Variants in FBXO25 observed in about 807,000 individuals in gnomAD.
FBXO25 encodes F-box protein 25.
Under a neutral mutation model 51.9 loss-of-function variants are expected in FBXO25, and 45 were observed. The observed-to-expected ratio is 0.87, with a 90% CI of 0.68 to 1.11. The LOEUF (loss-of-function observed/expected upper bound fraction) is 1.11, where lower values mean the gene tolerates loss of function less well. Among genes scored for constraint, FBXO25 ranks in the 50% most tolerant of loss-of-function variants. The pLI, the probability that FBXO25 is intolerant of heterozygous loss-of-function variation, is 0.00. For missense variants in FBXO25, 507 were observed against 428.5 expected (o/e 1.18, Z -1.62); for synonymous variants, 199 against 151.0 (o/e 1.32, Z -2.33).
At position 451,232 on chromosome 8, in the gene FBXO25, C is replaced by G. The variant is rs774413050; in HGVS notation, c.476-37C>G. ...GATCTTTTTTTAAAGTGTTGCTTAA[C>G]TGTATCAATCCATAGTTTTATTTTT... On this transcript the variant is annotated intron_variant, in intron 6 of 9. Transcript: ENST00000350302. 1.6e-5 allele frequency: 24 copies of G among 1,547,818 alleles called. No individual in the cohort carries two copies. The South Asian group carries it at 2.8e-4, about 18-fold the overall frequency.
At chr8:440,664 T>G (rs1798371609) in intron 5 of FBXO25, among the ~76,000 whole-genome samples, 1 of 152,080 alleles carries the variant, frequency 6.6e-6, no homozygotes, top group Admixed American at 6.6e-5. Flanking sequence ...GGTATACACA[T>G]GCCATGGTGG....
intron 5 of FBXO25, among the ~76,000 whole-genome samples, chr8:439,420 G>GA (rs1798292790): frequency 6.6e-6 from 1 of 152,126 alleles, no homozygotes; most frequent in Non-Finnish European, 1.5e-5. Context: ...ACATCTGTAG[G>GA]AAAAAAGTTT....
In FBXO25 at chr8:470,974, C is replaced by T. The variant is rs1238764325; in HGVS notation, c.*2170C>T. On this transcript the variant is annotated 3_prime_UTR_variant, in exon 10 of 10. Transcript: ENST00000350302. ...CCTTTTGAAGTTGTGGTTCTTTCCC[C>T]TAATTTGTCATATACTGTTACTGTC... 6.6e-6 allele frequency: 1 copy of T among 152,086 alleles called. No individual in the cohort carries two copies. Among genetic ancestry groups the T allele is most frequent in the Non-Finnish European group, 1.5e-5 (1 of 68,020 alleles). The allele number at this position is 152,086 out of a possible 1,614,324, so 9.4% of individuals were successfully genotyped here.
intron 9 of FBXO25, chr8:468,244 C>T: frequency 9.9e-7 from 1 of 1,011,972 alleles, no homozygotes. Flanking sequence ...CCGTGTGTCC[C>T]CCTCTCCTGT....
chr8:467,840 C>G (rs183326199), intron 9 of FBXO25: 12 of 1,597,604 alleles, frequency 7.5e-6, no homozygotes, highest in Admixed American at 1.7e-5. Flanking sequence ...CTGCCCGGCT[C>G]GATTCCAGCT....
intron 9 of FBXO25, chr8:467,986 T>C (rs1585115165): frequency 7.3e-7 from 1 of 1,374,764 alleles, no homozygotes; most frequent in East Asian, 2.8e-5. Flanking sequence ...CTGCTAGATG[T>C]GCGCATAAAC....
intron 9 of FBXO25, chr8:468,110 C>T (rs1345150137): frequency 3.8e-6 from 4 of 1,062,628 alleles, no homozygotes; most frequent in Non-Finnish European, 4.5e-6. Context: ...TAAGAGTCTG[C>T]CAGTCTTCAT....
intron 7 of FBXO25, among the ~76,000 whole-genome samples, chr8:452,599 G>C (rs1299129889): frequency 6.6e-6 from 1 of 152,228 alleles, no homozygotes; most frequent in Non-Finnish European, 1.5e-5. Flanking sequence ...AGAATAGGGT[G>C]TGTCCTTGTC....
At chr8:436,697 C>T (rs1253921692) in intron 5 of FBXO25, among the ~76,000 whole-genome samples, 1 of 152,174 alleles carries the variant, frequency 6.6e-6, no homozygotes, top group Non-Finnish European at 1.5e-5. Flanking sequence ...GCAGATTTGA[C>T]TCAGCCTTGT....
intron 5 of FBXO25, among the ~76,000 whole-genome samples, chr8:441,118 T>C (rs1798400512): frequency 6.6e-6 from 1 of 150,880 alleles, no homozygotes; most frequent in Non-Finnish European, 1.5e-5. Context: ...TCAGACTATA[T>C]TACAAGGCTA....
At chr8:453,861 A>C (rs1446318860) in intron 7 of FBXO25, among the ~76,000 whole-genome samples, 2 of 151,906 alleles carry the variant, frequency 1.3e-5, no homozygotes, top group East Asian at 3.9e-4. Flanking sequence ...GGTGGCCCAC[A>C]CCTGTAATCC....
rs1800602685 is a variant in FBXO25 at position 475,084 on chromosome 8, T to G, written c.*6280T>G. The G allele has an allele frequency of 3.7e-5, 14 of 373,672 alleles. 1 individual carries two copies. Among genetic ancestry groups the G allele is most frequent in the South Asian group, 3.0e-4 (14 of 47,364 alleles). The allele number at this position is 373,672 out of a possible 1,614,324, so 23.1% of individuals were successfully genotyped here. ...GTTTCCCTTATGTTTCTCCTAAATGTTTTAGTTTTAGCTCTTAGTTTAGGC... is the reference window on the plus strand; with the variant it reads ...GTTTCCCTTATGTTTCTCCTAAATGGTTTAGTTTTAGCTCTTAGTTTAGGC... On this transcript the variant is annotated 3_prime_UTR_variant, in exon 10 of 10. Transcript: ENST00000350302.
At position 477,475 on chromosome 8, in the gene FBXO25, C is replaced by T. The variant is rs918216151; in HGVS notation, c.*8671C>T. The T allele has an allele frequency of 6.6e-6, 1 of 152,162 alleles. No individual in the cohort carries two copies. Among genetic ancestry groups the T allele is most frequent in the Non-Finnish European group, 1.5e-5 (1 of 68,042 alleles). 9.4% of individuals were successfully genotyped at this position (152,162 alleles called of 1,614,324 possible). A position where few individuals can be genotyped will look rare whatever the true frequency, so the allele number is the denominator to read the frequency against. On this transcript the variant is annotated 3_prime_UTR_variant, in exon 10 of 10. Coordinates refer to ENST00000350302, the MANE Select transcript of FBXO25 (RefSeq NM_183420.2). ...TATATATTACATCTTGGTGAATTTT[C>T]AAACTTTTTAAATTTCAACATGAAG... is the stretch of plus-strand genomic sequence containing the variant.
intron 8 of FBXO25, among the ~76,000 whole-genome samples, chr8:458,964 CT>C (rs1288181213): frequency 1.3e-5 from 2 of 152,194 alleles, no homozygotes; most frequent in African/African-American, 4.8e-5. Context: ...GTAGATGCCG[CT>C]CCTGAGTGTC....
intron 1 of FBXO25, chr8:407,353 G>C (rs1796216346): frequency 1.0e-6 from 1 of 971,542 alleles, no homozygotes; most frequent in African/African-American, 1.8e-5. Flanking sequence ...CCGCGTGCGC[G>C]TCTGCTGAAG....
intron 1 of FBXO25, among the ~76,000 whole-genome samples, chr8:408,993 C>G (rs183107135): frequency 6.6e-6 from 1 of 152,242 alleles, no homozygotes; most frequent in Non-Finnish European, 1.5e-5. Context: ...GCGTATAAAG[C>G]TCTAGCAATT....
intron 5 of FBXO25, among the ~76,000 whole-genome samples, chr8:447,209 G>A (rs12544682): frequency 0.19 from 29,341 of 152,080 alleles, 3,569 homozygotes; most frequent in African/African-American, 0.35. Context: ...CCTGGATCCA[G>A]TTTTACTCAG....
chr8:443,763 A>C (rs1798571736), intron 5 of FBXO25, among the ~76,000 whole-genome samples: 1 of 151,804 alleles, frequency 6.6e-6, no homozygotes, highest in Admixed American at 6.6e-5. Context: ...GCGTCCAGAA[A>C]ATTGATGAAA....
intron 7 of FBXO25, among the ~76,000 whole-genome samples, chr8:455,118 C>T (rs1023413279): frequency 2.0e-5 from 3 of 152,142 alleles, no homozygotes; most frequent in African/African-American, 2.4e-5. Context: ...GGAACTTCCG[C>T]ATCCAGGGGC....
Sources: gnomAD v4.1 joint callset for allele counts (sites outside exome capture counted in the v4.1 genomes callset) on GRCh38, gnomAD v4.1.1 for gene constraint, MANE v1.5 for transcripts, NCBI Gene and HGNC (gene_info 2026-07-23, HGNC 2026-07-21) for gene names.